CHLSN: variants seen among roughly 807,000 people sequenced by gnomAD.
CHLSN encodes protein cholesin.
At chr7:1,132,594 T>C in the CHLSN span, among the ~76,000 whole-genome samples, 16 of 149,886 alleles carry the variant, frequency 1.1e-4, no homozygotes, top group African/African-American at 3.9e-4. Context: ...CTTGGGAGGC[T>C]GAAGTGGGAG....
At chr7:1,092,928 C>T in the CHLSN span, 46 of 1,391,138 alleles carry the variant, frequency 3.3e-5, no homozygotes, top group East Asian at 3.1e-4. Context: ...ACACAAGGCA[C>T]GGCCACGTCA....
At chr7:1,073,118 G>A in the CHLSN span, among the ~76,000 whole-genome samples, 1 of 152,112 alleles carries the variant, frequency 6.6e-6, no homozygotes, top group African/African-American at 2.4e-5. Context: ...TAGGCCCACC[G>A]ACCAAAACCA....
At chr7:1,078,048 AG>A in the CHLSN span, 1 of 152,244 alleles carries the variant, frequency 6.6e-6, no homozygotes, top group Non-Finnish European at 1.5e-5. Flanking sequence ...ATTAAATAAA[AG>A]AAAATACGGT....
chr7:1,063,587 G>A, the CHLSN span, among the ~76,000 whole-genome samples: 1 of 152,252 alleles, frequency 6.6e-6, no homozygotes, highest in Non-Finnish European at 1.5e-5. Context: ...GGGCCCCTGC[G>A]TGGGGCACTC....
the CHLSN span, chr7:1,092,625 C>A: frequency 6.2e-7 from 1 of 1,612,410 alleles, no homozygotes; most frequent in South Asian, 1.1e-5. Context: ...AGTCTTTCCG[C>A]CATGCCCACC....
the CHLSN span, chr7:1,028,833 G>C: frequency 1.3e-6 from 1 of 760,084 alleles, no homozygotes; most frequent in Non-Finnish European, 1.5e-6. Flanking sequence ...ATCTCCTCCA[G>C]TCTACCCCCA....
the CHLSN span, among the ~76,000 whole-genome samples, chr7:1,038,606 G>A: frequency 2.1e-5 from 2 of 94,410 alleles, no homozygotes; most frequent in African/African-American, 9.2e-5. Flanking sequence ...GCCCCTACTG[G>A]GAAGTGAGGA....
chr7:1,136,715 C>CT, the CHLSN span, among the ~76,000 whole-genome samples: 1 of 150,292 alleles, frequency 6.7e-6, no homozygotes, highest in African/African-American at 2.4e-5. Flanking sequence ...ATATCATCTA[C>CT]ACATATATCA....
chr7:1,027,310 G>A, the CHLSN span, among the ~76,000 whole-genome samples: 3 of 152,216 alleles, frequency 2.0e-5, no homozygotes, highest in Admixed American at 6.5e-5. Flanking sequence ...CACCATTCCC[G>A]CCGTCTCTGC....
the CHLSN span, among the ~76,000 whole-genome samples, chr7:1,036,268 G>C: frequency 1.3e-5 from 2 of 152,076 alleles, no homozygotes; most frequent in Non-Finnish European, 2.9e-5. Context: ...ACTTCGGGCG[G>C]TTGTGCTGTG....
chr7:1,090,648 C>T, the CHLSN span, among the ~76,000 whole-genome samples: 7 of 152,188 alleles, frequency 4.6e-5, no homozygotes, highest in Non-Finnish European at 1.0e-4. Flanking sequence ...TCCCCACTGG[C>T]GGCAGAGCCC....
At chr7:1,120,832 G>A in the CHLSN span, among the ~76,000 whole-genome samples, 120 of 145,712 alleles carry the variant, frequency 8.2e-4, no homozygotes, top group African/African-American at 2.8e-3. Context: ...TAGTGTGGCC[G>A]GCAGGCGGCC....
chr7:1,047,915 T>TC, the CHLSN span, among the ~76,000 whole-genome samples: 1 of 152,138 alleles, frequency 6.6e-6, no homozygotes, highest in African/African-American at 2.4e-5. Context: ...ACTGAATACA[T>TC]CCCCTTCTAC....
chr7:1,093,256 G>A, the CHLSN span: 1 of 460,808 alleles, frequency 2.2e-6, no homozygotes. Context: ...AGTTACACAG[G>A]AACCCTAAAG....
At chr7:1,024,949 G>A in the CHLSN span, 1 of 152,390 alleles carries the variant, frequency 6.6e-6, no homozygotes, top group African/African-American at 2.4e-5. Flanking sequence ...CCGGGGCGCT[G>A]GGGGAGCAGG....
chr7:1,028,149 A>T, the CHLSN span: 1 of 759,016 alleles, frequency 1.3e-6, no homozygotes, highest in Non-Finnish European at 1.6e-6. Flanking sequence ...TCTGGACGCC[A>T]CGGCCTCCCA....
chr7:1,127,180 A>G, the CHLSN span: 2 of 1,492,912 alleles, frequency 1.3e-6, no homozygotes, highest in Non-Finnish European at 1.8e-6. Flanking sequence ...CAGCAGGCTG[A>G]GCCACCCCCT....
the CHLSN span, among the ~76,000 whole-genome samples, chr7:981,385 A>C: frequency 2.0e-5 from 3 of 152,110 alleles, no homozygotes; most frequent in African/African-American, 7.2e-5. Context: ...AGGCGGCCAC[A>C]GTAGGATCGC....
At chr7:1,057,981 C>G in the CHLSN span, 1 of 770,826 alleles carries the variant, frequency 1.3e-6, no homozygotes, top group Admixed American at 1.7e-5. Context: ...GGGTGGCGCG[C>G]TGCTGACCAG....
Sources: allele counts gnomAD v4.1 joint callset (sites outside exome capture counted in the v4.1 genomes callset), GRCh38; gene constraint gnomAD v4.1.1; transcripts MANE v1.5; gene names NCBI Gene and HGNC (gene_info 2026-07-23, HGNC 2026-07-21).